The following RIF1 variants were observed in gnomAD, a reference collection of about 807,000 sequenced individuals.
The protein encoded by RIF1 is telomere-associated protein RIF1.
A neutral mutation model predicts 247.1 loss-of-function variants in RIF1; 45 were observed. The observed-to-expected ratio is 0.18, with a 90% confidence interval of 0.14 to 0.23. The LOEUF is 0.23. Ranked by LOEUF, RIF1 falls within the 10% of genes least tolerant of loss-of-function variation. The probability of loss-of-function intolerance (pLI) is 1.00; values close to 1 mark genes in which losing one functional copy is unlikely to be tolerated. For synonymous variants in RIF1, 1,087 were observed against 978.8 expected (o/e 1.11, Z -2.06); for missense variants, 2,967 against 2,862.5 (o/e 1.04, Z -0.83).
intron 22 of RIF1, among the ~76,000 whole-genome samples, chr2:151,455,670 G>A (rs545131454): frequency 6.6e-6 from 1 of 152,206 alleles, no homozygotes; most frequent in Admixed American, 6.5e-5. Context: ...ACATATGGGA[G>A]GATGTGTGTA....
In RIF1 at chr2:151,457,938, A is replaced by G; in HGVS notation, c.2830A>G (p.Met944Val). The change falls in exon 24 of 36, where the codon ATG (methionine) becomes GTG (valine). Residue 944 changes from methionine to valine, a missense_variant. Physicochemically the swap from Met to Val is conservative, Grantham distance 21. Around this residue, in one of 7 missense-constraint regions of RIF1, gnomAD observed 2,028 missense variants for 1,825.6 expected, o/e 1.11. Coordinates refer to ENST00000444746, the MANE Select transcript of RIF1 (RefSeq NM_018151.5). ...FWNATFAKVM[M>V]LVYPEELKPV... ...GAATGCCACTTTTGCCAAAGTGATG[A>G]TGTTGGTTTATCCTGAAGAGTTAAA... is the stretch of plus-strand genomic sequence containing the variant. The G allele has an allele frequency of 6.2e-7, 1 of 1,613,756 alleles. No individual in the cohort carries two copies.
At chr2:151,414,945 A>T (rs1461683287) in intron 4 of RIF1, 26 bp downstream of exon 4, 1 of 1,377,380 alleles carries the variant, frequency 7.3e-7, no homozygotes, top group Non-Finnish European at 1.0e-6. Flanking sequence ...ATGACTTAAT[A>T]TTTTTAGAGT....
the RIF1 span, chr2:151,514,761 TG>T: frequency 8.4e-7 from 1 of 1,194,450 alleles, no homozygotes; most frequent in Non-Finnish European, 1.2e-6. Context: ...CATTAATGAG[TG>T]TCACTAGTGC....
At chr2:151,431,478 A>G (rs1690112549) in intron 9 of RIF1, among the ~76,000 whole-genome samples, 1 of 152,236 alleles carries the variant, frequency 6.6e-6, no homozygotes. Flanking sequence ...CTGTAGAGAT[A>G]TTATTATGGA....
In RIF1 at chr2:151,455,819, C is replaced by T. The variant is rs117516383; in HGVS notation, c.2609+660C>T. On this transcript the variant is annotated intron_variant, in intron 22 of 35. Transcript: ENST00000444746. Reference sequence around the variant, plus strand: ...CCATGGATACTGAGGGATTTCTGTCCTTGTACCATATACATGAGAATCTCA... The same window carrying T: ...CCATGGATACTGAGGGATTTCTGTCTTTGTACCATATACATGAGAATCTCA... 2.4e-3 allele frequency among the ~76,000 whole-genome samples: 359 copies of T among 152,236 alleles called. 9 individuals are homozygous for T. The East Asian group carries it at 0.046, about 19-fold the overall frequency.
chr2:151,429,495 T>C (rs1435740270), intron 9 of RIF1, among the ~76,000 whole-genome samples: 3 of 152,242 alleles, frequency 2.0e-5, no homozygotes, highest in Non-Finnish European at 4.4e-5. Flanking sequence ...TTTGTGGCTT[T>C]CTTACATGTT....
chr2:151,423,163 A>G (rs986531567), intron 8 of RIF1, 121 bp downstream of exon 8: 18 of 617,416 alleles, frequency 2.9e-5, no homozygotes, highest in Non-Finnish European at 1.4e-5. Flanking sequence ...TCATTATTTC[A>G]TGCCTACTCA....
At position 151,480,178 on chromosome 2, in the gene RIF1, C is replaced by T. The variant is rs2049109386; in HGVS notation, c.*5107C>T. The T allele has an allele frequency of 6.6e-6, 1 of 152,130 alleles. No individual in the cohort carries two copies. The highest frequency in any genetic ancestry group is 6.6e-5 in the Admixed American group (1 of 15,266). The allele number at this position is 152,130 out of a possible 1,614,324, so 9.4% of individuals were successfully genotyped here. A position where few individuals can be genotyped will look rare whatever the true frequency, so the allele number is the denominator to read the frequency against. On this transcript the variant is annotated 3_prime_UTR_variant, in exon 36 of 36. Coordinates refer to ENST00000444746, the MANE Select transcript of RIF1 (RefSeq NM_018151.5). ...ACCGTTGGAATAAAAGATAACCGTT[C>T]ATCTTACCTAAAAAATTGAAGACAA...
intron 3 of RIF1, among the ~76,000 whole-genome samples, chr2:151,412,562 A>T (rs762086997): frequency 6.6e-6 from 1 of 152,092 alleles, no homozygotes; most frequent in Non-Finnish European, 1.5e-5. Context: ...ATCTCAGCTC[A>T]CTGCAACCTC....
At chr2:151,521,603 G>A in the RIF1 span, among the ~76,000 whole-genome samples, 2 of 152,166 alleles carry the variant, frequency 1.3e-5, no homozygotes, top group Non-Finnish European at 2.9e-5. Context: ...TCTCAAATGA[G>A]AATAAAATCT....
chr2:151,524,397 G>A, the RIF1 span: 1 of 1,613,956 alleles, frequency 6.2e-7, no homozygotes, highest in Non-Finnish European at 8.5e-7. Flanking sequence ...TCCTTGCGGT[G>A]CTTGGCTCTG....
chr2:151,518,432 A>G, the RIF1 span: 2 of 1,558,136 alleles, frequency 1.3e-6, no homozygotes, highest in African/African-American at 2.7e-5. Context: ...ACTGAGGGGA[A>G]GGCGGCAAAA....
intron 8 of RIF1, chr2:151,423,756 G>A (rs1235269533): frequency 6.6e-6 from 1 of 152,216 alleles, no homozygotes; most frequent in Non-Finnish European, 1.5e-5. Flanking sequence ...TCAACTGTAT[G>A]TTCAATGATT....
intron 24 of RIF1, among the ~76,000 whole-genome samples, chr2:151,458,295 C>CAT (rs1695558098): frequency 4.5e-5 from 6 of 133,196 alleles, no homozygotes; most frequent in Admixed American, 9.0e-5. Flanking sequence ...TGCAGTGGTG[C>CAT]GATCTGGGCT....
intron 8 of RIF1, among the ~76,000 whole-genome samples, chr2:151,424,553 G>A (rs1444733146): frequency 1.3e-5 from 2 of 152,168 alleles, no homozygotes; most frequent in Non-Finnish European, 2.9e-5. Flanking sequence ...TAATGTTGCT[G>A]TAAACACCAG....
chr2:151,496,156 C>CTA, intron 10 of RIF1: 1 of 1,171,898 alleles, frequency 8.5e-7, no homozygotes, highest in South Asian at 1.4e-5. Context: ...GGTAAATTTG[C>CTA]TAAAGAAATT....
Position 151,465,097 on chromosome 2 carries a change from T to G in RIF1, c.5577T>G (p.Phe1859Leu), listed in dbSNP as rs1696705119. The change falls in exon 30 of 36, where the codon TTT becomes TTG. Residue 1859 changes from phenylalanine (F) to leucine (L), a missense_variant. By Grantham distance (22) the Phe-to-Leu change is conservative. Coordinates refer to ENST00000444746, the MANE Select transcript of RIF1 (RefSeq NM_018151.5). ...GCCAGGAGTCACCTAATGAAAATTT[T>G]AAAACTGTTGGCCCGTGTTTAGGAG... is the stretch of plus-strand genomic sequence containing the variant. ...LESQESPNEN[F>L]KTVGPCLGDS... is the part of the protein sequence containing the mutation. The G allele has an allele frequency of 6.2e-7, 1 of 1,603,904 alleles. No individual in the cohort carries two copies. Among genetic ancestry groups the G allele is most frequent in the Non-Finnish European group, 8.5e-7 (1 of 1,177,738 alleles).
chr2:151,437,017 T>C lies in RIF1; in HGVS notation c.1372+14T>C, dbSNP rs1691348128. The C allele has an allele frequency of 1.3e-6, 2 of 1,597,556 alleles. No homozygotes were observed. Among genetic ancestry groups the C allele is most frequent in the South Asian group, 1.1e-5 (1 of 88,564 alleles). On this transcript the variant is annotated intron_variant, in intron 12 of 35. Transcript: ENST00000444746. ...TGCTGAGCTTAGGTATTTAAAGGTT[T>C]TAAGAATAATTTTAATTACTAAAAC... is the stretch of plus-strand genomic sequence containing the variant.
chr2:151,509,381 A>C (rs566536629), downstream of RIF1, among the ~76,000 whole-genome samples: 150 of 152,258 alleles, frequency 9.9e-4, no homozygotes, highest in African/African-American at 3.5e-3. Flanking sequence ...CTTTTATTTT[A>C]TTTTTATTGT....
Sources: allele counts gnomAD v4.1 joint callset (sites outside exome capture counted in the v4.1 genomes callset), GRCh38; gene constraint gnomAD v4.1.1; regional missense constraint gnomAD v4.1.1; transcripts MANE v1.5; gene names NCBI Gene and HGNC (gene_info 2026-07-23, HGNC 2026-07-21).